Variants in ARHGEF3 observed in about 807,000 individuals in gnomAD.
The protein encoded by ARHGEF3 is Rho guanine nucleotide exchange factor 3.
In ARHGEF3, 28 loss-of-function variants were observed where a neutral mutation model predicts 63.2. The observed-to-expected ratio is 0.44, with a 90% CI of 0.33 to 0.61. ARHGEF3 has a LOEUF of 0.61. ARHGEF3 is among the 20% of genes least tolerant of loss of function. The probability of loss-of-function intolerance (pLI) is 0.03; values close to 1 mark genes in which losing one functional copy is unlikely to be tolerated. For missense variants in ARHGEF3, 533 were observed against 659.3 expected, an observed-to-expected ratio of 0.81 and a Z score of 2.10; for synonymous variants, 266 against 254.2, an observed-to-expected ratio of 1.05 and a Z score of -0.44.
chr3:57,047,056 T>G (rs1704483464), intron 1 of ARHGEF3, among the ~76,000 whole-genome samples: 1 of 152,144 alleles, frequency 6.6e-6, no homozygotes, highest in Admixed American at 6.6e-5. Context: ...GTTCCAAAAT[T>G]AGACTACTGG....
chr3:56,792,113 A>AAAAAAAAAAAAAG (rs55899473), intron 1 of ARHGEF3, among the ~76,000 whole-genome samples: 10 of 139,982 alleles, frequency 7.1e-5, no homozygotes, highest in Non-Finnish European at 9.0e-5. Context: ...CAAAAAAAAA[A>AAAAAAAAAAAAAG]AAAAGAAAAG....
At chr3:56,797,023 T>C (rs898441551) in intron 1 of ARHGEF3, among the ~76,000 whole-genome samples, 5 of 152,182 alleles carry the variant, frequency 3.3e-5, no homozygotes, top group Non-Finnish European at 5.9e-5. Flanking sequence ...TTAATAATAA[T>C]GACATTTTTT....
At chr3:56,957,189 C>G (rs1174798796) in intron 3 of ARHGEF3, among the ~76,000 whole-genome samples, 1 of 152,194 alleles carries the variant, frequency 6.6e-6, no homozygotes, top group African/African-American at 2.4e-5. Flanking sequence ...ACATGCACAT[C>G]TATTTCAGAA....
intron 1 of ARHGEF3, among the ~76,000 whole-genome samples, chr3:56,793,393 T>G (rs2037191215): frequency 6.6e-6 from 1 of 152,132 alleles, no homozygotes. Context: ...ATGGTCTCGA[T>G]CTCCTGACCT....
At chr3:57,064,157 TA>T (rs1230921723) in intron 1 of ARHGEF3, among the ~76,000 whole-genome samples, 1 of 152,024 alleles carries the variant, frequency 6.6e-6, no homozygotes, top group East Asian at 1.9e-4. Flanking sequence ...TAGTCCCAGC[TA>T]ACCCGGAAGC....
chr3:56,935,221 G>A (rs1471110467), intron 3 of ARHGEF3, among the ~76,000 whole-genome samples: 1 of 152,130 alleles, frequency 6.6e-6, no homozygotes, highest in Non-Finnish European at 1.5e-5. Context: ...CTCTGGTGGG[G>A]CCTTGGAGAA....
chr3:56,994,921 C>A (rs1241278605), intron 2 of ARHGEF3, among the ~76,000 whole-genome samples: 1 of 152,072 alleles, frequency 6.6e-6, no homozygotes, highest in African/African-American at 2.4e-5. Flanking sequence ...TGAGTTCTCT[C>A]AGGATCTGAT....
chr3:56,727,536 A>C lies in ARHGEF3; in HGVS notation c.*1734T>G, dbSNP rs1316003094. ...ACCTTCCCATAGGCCAACACTTGAC[A>C]AACCTCTTTTCCCAACACACTGGCT... On this transcript the variant is annotated 3_prime_UTR_variant, in exon 10 of 10. Coordinates refer to ENST00000296315, the MANE Select transcript of ARHGEF3 (RefSeq NM_019555.3). The C allele has an allele frequency of 6.5e-6, 1 of 152,674 alleles. No individual in the cohort carries two copies. Among genetic ancestry groups the C allele is most frequent in the Non-Finnish European group, 1.5e-5 (1 of 68,042 alleles). The allele number at this position is 152,674 out of a possible 1,614,324, so 9.5% of individuals were successfully genotyped here. A position where few individuals can be genotyped will look rare whatever the true frequency, so the allele number is the denominator to read the frequency against.
chr3:56,814,250 G>A (rs763031918), intron 4 of ARHGEF3, among the ~76,000 whole-genome samples: 3 of 152,086 alleles, frequency 2.0e-5, no homozygotes, highest in Non-Finnish European at 4.4e-5. Context: ...CTTTGAATGT[G>A]GCCCAACATA....
chr3:56,732,410 G>T lies in ARHGEF3; in HGVS notation c.1056C>A (p.Phe352Leu). Residue 352 changes from phenylalanine to leucine, a missense_variant, in exon 9 of 10, where the codon TTC becomes TTA. This residue lies in a region of ARHGEF3 where 151 missense variants were observed against 190.7 expected (regional missense o/e 0.79). Coordinates refer to ENST00000296315, the MANE Select transcript of ARHGEF3 (RefSeq NM_019555.3). Reference protein sequence around the residue: ...KNNRGVKLHVFLFQEVLVITR... With the variant: ...KNNRGVKLHVLLFQEVLVITR... ...TGATCACAAGCACTTCTTGGAACAG[G>T]AAAACATGCAGTTTCTAGAAGAAAA... 1.2e-6 allele frequency: 2 copies of T among 1,614,136 alleles called. No homozygotes were observed. The highest frequency in any genetic ancestry group is 1.7e-6 in the Non-Finnish European group (2 of 1,180,030).
rs547358662 is a variant in ARHGEF3, at chr3:56,837,501, T to C, written c.192+44791A>G. 2.2e-4 allele frequency among the ~76,000 whole-genome samples: 33 copies of C among 152,120 alleles called. 1 individual carries two copies. The East Asian group carries it at 6.4e-3, about 29-fold the overall frequency. The stretch of plus-strand genomic sequence containing the variant: ...GTCCATCAGGCAGAAAACATGAGGA[T>C]AAAAGATGGTCCAATAATTACCAAT... On this transcript the variant is annotated intron_variant, in intron 4 of 12. Coordinates refer to the ARHGEF3 transcript ENST00000338458.
In ARHGEF3 at chr3:56,753,519, C is replaced by A; in HGVS notation, c.423G>T (p.Leu141Phe). The A allele has an allele frequency of 6.2e-7, 1 of 1,612,574 alleles. No homozygotes were observed. Among genetic ancestry groups the A allele is most frequent in the Non-Finnish European group, 8.5e-7 (1 of 1,179,572 alleles). The change falls in exon 4 of 10, where the codon TTG becomes TTT. Residue 141 changes from leucine to phenylalanine, a missense_variant. Coordinates refer to ENST00000296315, the MANE Select transcript of ARHGEF3 (RefSeq NM_019555.3). ...TTAAATTTACCTTTTTTGCTAATTTCAAGTCTTCTATCAAGTCTTCTTCTC... is the reference window on the plus strand; with the variant it reads ...TTAAATTTACCTTTTTTGCTAATTTAAAGTCTTCTATCAAGTCTTCTTCTC... ...SQGEEDLIED[L>F]KLAKKAYHDP...
At chr3:56,970,391 G>A (rs982792228) in intron 2 of ARHGEF3, among the ~76,000 whole-genome samples, 3 of 152,188 alleles carry the variant, frequency 2.0e-5, no homozygotes, top group Non-Finnish European at 4.4e-5. Context: ...TAAATAAGCT[G>A]AGAAAGCAAG....
At position 56,933,954 on chromosome 3, in the gene ARHGEF3, T is replaced by C. The variant is rs560553355; in HGVS notation, c.129+24869A>G. On this transcript the variant is annotated intron_variant, in intron 3 of 12. Coordinates refer to the ARHGEF3 transcript ENST00000338458. ...CAAGATCTGATGGTTTTATTAGTGT[T>C]TAACAGTTCTTCCTTCACACACTTG... Among the ~76,000 whole-genome samples, 7 of 152,274 alleles carry C rather than the reference T, an allele frequency of 4.6e-5. No homozygotes were observed. The South Asian group carries it at 1.5e-3, about 32-fold the overall frequency.
intron 3 of ARHGEF3, among the ~76,000 whole-genome samples, chr3:56,958,030 T>C (rs1287802619): frequency 1.3e-5 from 2 of 152,190 alleles, no homozygotes; most frequent in Non-Finnish European, 2.9e-5. Context: ...TTGATTGCTT[T>C]GTGCTTGGTC....
intron 3 of ARHGEF3, among the ~76,000 whole-genome samples, chr3:56,898,036 C>T (rs1019557695): frequency 2.0e-5 from 3 of 151,948 alleles, no homozygotes; most frequent in South Asian, 2.1e-4. Context: ...CACACCACCA[C>T]GCCCTGCTAA....
At chr3:56,925,155 T>C (rs1467133974) in intron 3 of ARHGEF3, among the ~76,000 whole-genome samples, 1 of 152,074 alleles carries the variant, frequency 6.6e-6, no homozygotes, top group Non-Finnish European at 1.5e-5. Context: ...TCTGCGAGGG[T>C]GGTGGCAGCT....
At chr3:56,984,845 G>C (rs984590042) in intron 2 of ARHGEF3, among the ~76,000 whole-genome samples, 2 of 152,144 alleles carry the variant, frequency 1.3e-5, no homozygotes, top group Non-Finnish European at 2.9e-5. Flanking sequence ...AGGGGAGCCC[G>C]GCCTTGGACA....
intron 2 of ARHGEF3, among the ~76,000 whole-genome samples, chr3:56,988,857 A>G: frequency 6.6e-6 from 1 of 152,108 alleles, no homozygotes; most frequent in South Asian, 2.1e-4. Flanking sequence ...AACCTTGGAG[A>G]ATGCATCTCC....
Sources: allele counts gnomAD v4.1 joint callset (sites outside exome capture counted in the v4.1 genomes callset), GRCh38; gene constraint gnomAD v4.1.1; regional missense constraint gnomAD v4.1.1; transcripts MANE v1.5; gene names NCBI Gene and HGNC (gene_info 2026-07-23, HGNC 2026-07-21).